MAP2K1: variants seen among roughly 807,000 people sequenced by gnomAD.
MAP2K1 encodes the protein dual specificity mitogen-activated protein kinase kinase 1.
A neutral mutation model predicts 46.3 loss-of-function variants in MAP2K1; 16 were observed. That is an observed-to-expected ratio of 0.35 (90% CI 0.23 to 0.52). The LOEUF is 0.52. MAP2K1 is among the 20% of genes least tolerant of loss of function. The probability of loss-of-function intolerance (pLI) is 0.94; values close to 1 mark genes in which losing one functional copy is unlikely to be tolerated. For synonymous variants in MAP2K1, 183 were observed against 185.6 expected (o/e 0.99, Z 0.11); for missense variants, 263 against 497.1 (o/e 0.53, Z 4.48).
At chr15:66,415,696 T>C (rs2093422995) in intron 1 of MAP2K1, among the ~76,000 whole-genome samples, 1 of 152,258 alleles carries the variant, frequency 6.6e-6, no homozygotes, top group Non-Finnish European at 1.5e-5. Context: ...TTCCAAAATA[T>C]AAAACTGATC....
At chr15:66,486,932 A>C (rs1220395394) in intron 7 of MAP2K1, among the ~76,000 whole-genome samples, 1 of 152,164 alleles carries the variant, frequency 6.6e-6, no homozygotes, top group Non-Finnish European at 1.5e-5. Flanking sequence ...TCTCAATAGA[A>C]GGAAGGGGGA....
chr15:66,439,429 C>G (rs1423879530), intron 3 of MAP2K1, among the ~76,000 whole-genome samples: 1 of 152,084 alleles, frequency 6.6e-6, no homozygotes, highest in Non-Finnish European at 1.5e-5. Context: ...TTCAGGAGTT[C>G]AAGACCAGCC....
chr15:66,389,987 A>G (rs1018471935), intron 1 of MAP2K1, among the ~76,000 whole-genome samples: 1 of 152,242 alleles, frequency 6.6e-6, no homozygotes, highest in Non-Finnish European at 1.5e-5. Flanking sequence ...GAGGTAGTAC[A>G]TAGTAAACTT....
intron 1 of MAP2K1, among the ~76,000 whole-genome samples, chr15:66,416,852 A>G (rs2093425778): frequency 6.6e-6 from 1 of 152,144 alleles, no homozygotes; most frequent in Non-Finnish European, 1.5e-5. Flanking sequence ...TTGGTCTTAA[A>G]TGACCTTTGC....
rs1023819747 is a variant in MAP2K1 at position 66,490,639 on chromosome 15, G to A, written c.*24G>A. 14 of 1,578,320 alleles carry A rather than the reference G, an allele frequency of 8.9e-6. No individual in the cohort carries two copies. The highest frequency in any genetic ancestry group is 6.7e-5 in the African/African-American group (5 of 74,204). The stretch of plus-strand genomic sequence containing the variant: ...AAGTGTTTGGGAAGCAACAAAGAGC[G>A]AGTCCCCTGCCCGGTGGTTTGCCAT... On this transcript the variant is annotated 3_prime_UTR_variant, in exon 11 of 11. Transcript: ENST00000307102.
intron 5 of MAP2K1, among the ~76,000 whole-genome samples, chr15:66,474,319 G>A (rs1205769864): frequency 6.6e-6 from 1 of 152,180 alleles, no homozygotes; most frequent in Non-Finnish European, 1.5e-5. Context: ...TAATCAGGAG[G>A]TGGGAAACAA....
chr15:66,476,234 T>G (rs1892752152), intron 5 of MAP2K1, among the ~76,000 whole-genome samples: 1 of 152,200 alleles, frequency 6.6e-6, no homozygotes, highest in African/African-American at 2.4e-5. Context: ...GAATGTAGCC[T>G]GGCCAGCCAG....
At position 66,419,496 on chromosome 15, in the gene MAP2K1, T is replaced by G. The variant is rs543746687; in HGVS notation, c.81-15531T>G. Among the ~76,000 whole-genome samples, 9 of 151,514 alleles carry G rather than the reference T, an allele frequency of 5.9e-5. No individual in the cohort carries two copies. In the South Asian group the frequency reaches 1.9e-3, roughly 32 times the overall value. On this transcript the variant is annotated intron_variant, in intron 1 of 10. Coordinates refer to ENST00000307102, the MANE Select transcript of MAP2K1 (RefSeq NM_002755.4). ...GATTGTGCCACTGCACTCCAGCCTG[T>G]GTGACGGGAGCGAGACTCCATCTCA... is the stretch of plus-strand genomic sequence containing the variant.
rs756073029 is a variant in MAP2K1 at position 66,435,093 on chromosome 15, C to A, written c.147C>A (p.Arg49=). Residue 49 remains arginine, a synonymous_variant, in exon 2 of 11, where the codon CGC becomes CGA. Coordinates refer to ENST00000307102, the MANE Select transcript of MAP2K1 (RefSeq NM_002755.4). Reference sequence around the variant, plus strand: ...AGCTTGATGAGCAGCAGCGAAAGCGCCTTGAGGCCTTTCTTACCCAGAAGC... The same window carrying A: ...AGCTTGATGAGCAGCAGCGAAAGCGACTTGAGGCCTTTCTTACCCAGAAGC... ...ELELDEQQRK[R]LEAFLTQKQK... is the part of the protein sequence containing the mutation. The A allele has an allele frequency of 8.7e-6, 14 of 1,614,114 alleles. No individual in the cohort carries two copies. In the South Asian group the frequency reaches 1.5e-4, roughly 18 times the overall value.
intron 5 of MAP2K1, among the ~76,000 whole-genome samples, chr15:66,445,459 GTACACA>G (rs1483044251): frequency 6.6e-6 from 1 of 152,072 alleles, no homozygotes; most frequent in African/African-American, 2.4e-5. Context: ...TTTAATAAAG[GTACACA>G]TACACTTAAC....
chr15:66,458,120 G>A (rs1191373946), intron 5 of MAP2K1, among the ~76,000 whole-genome samples: 2 of 152,110 alleles, frequency 1.3e-5, no homozygotes, highest in Non-Finnish European at 2.9e-5. Context: ...AATTTATGTC[G>A]AGTCTTTTCA....
chr15:66,406,708 C>T (rs987856506), intron 1 of MAP2K1, among the ~76,000 whole-genome samples: 2 of 151,994 alleles, frequency 1.3e-5, no homozygotes, highest in Non-Finnish European at 2.9e-5. Context: ...TCTGAGAGTC[C>T]AAGGGCAGGA....
chr15:66,464,993 C>T (rs776795249), intron 5 of MAP2K1, among the ~76,000 whole-genome samples: 101 of 151,486 alleles, frequency 6.7e-4, no homozygotes, highest in Non-Finnish European at 1.0e-3. Flanking sequence ...GAGGTAGAGG[C>T]GGGTGGATTA....
At position 66,490,281 on chromosome 15, in the gene MAP2K1, G is replaced by C. The variant is rs116703966; in HGVS notation, c.1069-221G>C. On this transcript the variant is annotated intron_variant, in intron 10 of 10. Coordinates refer to ENST00000307102, the MANE Select transcript of MAP2K1 (RefSeq NM_002755.4). ...TACTGTCTCCATACTGCACGAGTAG[G>C]CTCCAAGAGGTGACTTGCCCAAGGC... 4.8e-4 allele frequency: 326 copies of C among 676,042 alleles called. 1 individual carries two copies. In the African/African-American group the frequency reaches 5.3e-3, roughly 11 times the overall value. The allele number at this position is 676,042 out of a possible 1,614,324, so 41.9% of individuals were successfully genotyped here. A position where few individuals can be genotyped will look rare whatever the true frequency, so the allele number is the denominator to read the frequency against.
At chr15:66,461,239 C>T (rs1892310968) in intron 5 of MAP2K1, among the ~76,000 whole-genome samples, 1 of 152,052 alleles carries the variant, frequency 6.6e-6, no homozygotes, top group African/African-American at 2.4e-5. Context: ...TCTGTAATCC[C>T]AGCACTTTGC....
chr15:66,428,866 G>A (rs12905869), intron 1 of MAP2K1, among the ~76,000 whole-genome samples: 8,277 of 131,438 alleles, frequency 0.063, 338 homozygotes, highest in Middle Eastern at 0.15. Flanking sequence ...TGCGACCTCC[G>A]CCTCCCAGGC....
chr15:66,453,581 A>G (rs763668889), intron 5 of MAP2K1: 3 of 702,216 alleles, frequency 4.3e-6, no homozygotes, highest in African/African-American at 3.5e-5. Context: ...GTTCAGGTGA[A>G]AATGAGAGAG....
At chr15:66,465,388 G>A (rs901186720) in intron 5 of MAP2K1, among the ~76,000 whole-genome samples, 10 of 152,118 alleles carry the variant, frequency 6.6e-5, no homozygotes, top group African/African-American at 2.4e-4. Context: ...TGGGGTACAC[G>A]ACTGGGGGCT....
chr15:66,434,996 G>T lies in MAP2K1; in HGVS notation c.81-31G>T, dbSNP rs534445667. ...CTTTGGGTTGACTTCTCTGGTGACAGTATTGACTTGTGCTCCCCACTTTGG... is the reference window on the plus strand; with the variant it reads ...CTTTGGGTTGACTTCTCTGGTGACATTATTGACTTGTGCTCCCCACTTTGG... On this transcript the variant is annotated intron_variant, in intron 1 of 10. Coordinates refer to ENST00000307102, the MANE Select transcript of MAP2K1 (RefSeq NM_002755.4). 6.5e-6 allele frequency: 9 copies of T among 1,388,484 alleles called. No individual in the cohort carries two copies. The South Asian group carries it at 8.1e-5, about 12-fold the overall frequency. 86.0% of individuals were successfully genotyped at this position (1,388,484 alleles called of 1,614,324 possible).
Sources: allele counts gnomAD v4.1 joint callset (sites outside exome capture counted in the v4.1 genomes callset), GRCh38; gene constraint gnomAD v4.1.1; transcripts MANE v1.5; gene names NCBI Gene and HGNC (gene_info 2026-07-23, HGNC 2026-07-21).